Variants in ESRRG observed in about 807,000 individuals in gnomAD.
ESRRG encodes estrogen related receptor gamma, also known as estrogen-related receptor gamma.
A neutral mutation model predicts 44.0 loss-of-function variants in ESRRG; 13 were observed. The observed-to-expected ratio is 0.30, with a 90% CI of 0.19 to 0.47. The LOEUF is 0.47. Among genes scored for constraint, ESRRG ranks in the 20% least tolerant of loss-of-function variants. ESRRG has a pLI of 1.00. For synonymous variants in ESRRG, 215 were observed against 214.6 expected, an observed-to-expected ratio of 1.00 and a Z score of -0.02; for missense variants, 395 against 580.6, an observed-to-expected ratio of 0.68 and a Z score of 3.29.
intron 2 of ESRRG, among the ~76,000 whole-genome samples, chr1:216,881,108 T>C (rs1330945790): frequency 6.6e-6 from 1 of 152,346 alleles, no homozygotes; most frequent in East Asian, 1.9e-4. Context: ...ATTACATGCT[T>C]TTTATAATGA....
intron 3 of ESRRG, among the ~76,000 whole-genome samples, chr1:216,586,424 A>G (rs1314393093): frequency 6.6e-6 from 1 of 152,224 alleles, no homozygotes; most frequent in Non-Finnish European, 1.5e-5. Flanking sequence ...TTAAAAGCAA[A>G]GTTAAAAGTT....
intron 1 of ESRRG, among the ~76,000 whole-genome samples, chr1:216,992,626 T>C (rs2075875359): frequency 6.6e-6 from 1 of 152,226 alleles, no homozygotes; most frequent in South Asian, 2.1e-4. Flanking sequence ...TAAACATTAT[T>C]AGATATCTCC....
At chr1:216,566,679 T>C (rs1474294345) in intron 4 of ESRRG, among the ~76,000 whole-genome samples, 2 of 152,202 alleles carry the variant, frequency 1.3e-5, no homozygotes, top group East Asian at 3.9e-4. Flanking sequence ...TGCATATTAT[T>C]GTATTATCAG....
chr1:217,088,126 G>A (rs1274377091), intron 1 of ESRRG, among the ~76,000 whole-genome samples: 4 of 150,828 alleles, frequency 2.7e-5, no homozygotes, highest in Admixed American at 6.6e-5. Flanking sequence ...AGACATTTCC[G>A]ACTCTTTTTC....
chr1:216,576,181 C>G (rs1390280069), intron 3 of ESRRG, among the ~76,000 whole-genome samples: 1 of 152,010 alleles, frequency 6.6e-6, no homozygotes, highest in Non-Finnish European at 1.5e-5. Flanking sequence ...CACTAAACTC[C>G]CCCAGCCAAT....
Position 216,686,586 on chromosome 1 carries a change from A to G in ESRRG, c.57-9095T>C, listed in dbSNP as rs1575301136. ...TTCAAAAGTCCAAATGCAAACATGC[A>G]GAGAAAAATTTCTAAATATAAAATG... On this transcript the variant is annotated intron_variant, in intron 1 of 6. Coordinates refer to ENST00000408911, the MANE Select transcript of ESRRG (RefSeq NM_001438.4). Among the ~76,000 whole-genome samples the G allele has an allele frequency of 2.0e-5, 3 of 152,272 alleles. No homozygotes were observed. The East Asian group carries it at 5.8e-4, about 29-fold the overall frequency.
intron 3 of ESRRG, among the ~76,000 whole-genome samples, chr1:216,586,459 A>C (rs1463278683): frequency 6.6e-6 from 1 of 152,192 alleles, no homozygotes; most frequent in Non-Finnish European, 1.5e-5. Flanking sequence ...CATTAGAGGA[A>C]TGGGCTAATT....
chr1:216,515,929 G>A (rs1303980284), intron 6 of ESRRG, among the ~76,000 whole-genome samples: 1 of 151,744 alleles, frequency 6.6e-6, no homozygotes, highest in East Asian at 1.9e-4. Context: ...ATCTTACCTA[G>A]GTGCTTATAG....
chr1:216,876,870 C>A (rs2096363538), intron 2 of ESRRG, among the ~76,000 whole-genome samples: 2 of 152,024 alleles, frequency 1.3e-5, no homozygotes, highest in African/African-American at 4.8e-5. Flanking sequence ...TTAATAGAAT[C>A]TTCTTGAACA....
chr1:216,911,725 C>T (rs2060323133), intron 2 of ESRRG, among the ~76,000 whole-genome samples: 1 of 152,030 alleles, frequency 6.6e-6, no homozygotes. Context: ...GTACTTTCCT[C>T]TCAATTTTGC....
chr1:217,088,613 A>G (rs759514565), intron 1 of ESRRG, among the ~76,000 whole-genome samples: 1 of 151,796 alleles, frequency 6.6e-6, no homozygotes, highest in Non-Finnish European at 1.5e-5. Flanking sequence ...TAACCGAGAC[A>G]AGCACAATAA....
intron 6 of ESRRG, among the ~76,000 whole-genome samples, chr1:216,513,864 T>A (rs901663043): frequency 1.3e-5 from 2 of 152,184 alleles, no homozygotes; most frequent in East Asian, 3.8e-4. Context: ...AATGTTGATA[T>A]CAATTTGGGT....
At chr1:216,611,758 T>TAAAA (rs576949958) in intron 3 of ESRRG, among the ~76,000 whole-genome samples, 3 of 144,430 alleles carry the variant, frequency 2.1e-5, no homozygotes, top group African/African-American at 7.6e-5. Context: ...TAGAGGTATG[T>TAAAA]AAAAAAAAAA....
chr1:217,106,048 C>A (rs537586282), intron 1 of ESRRG, among the ~76,000 whole-genome samples: 22 of 152,148 alleles, frequency 1.4e-4, no homozygotes, highest in African/African-American at 5.3e-4. Context: ...TGCAACATCC[C>A]AAAATTGGCA....
intron 5 of ESRRG, among the ~76,000 whole-genome samples, chr1:216,543,300 T>C (rs1175252263): frequency 6.6e-6 from 1 of 152,034 alleles, no homozygotes; most frequent in Non-Finnish European, 1.5e-5. Context: ...TCATCAGGTA[T>C]TTTTTGAAGT....
rs555621478 is a variant in ESRRG at position 216,910,755 on chromosome 1, T to A, written c.-14+28827A>T. 5.9e-5 allele frequency among the ~76,000 whole-genome samples: 9 copies of A among 152,320 alleles called. No homozygotes were observed. In the South Asian group the frequency reaches 1.9e-3, roughly 32 times the overall value. On this transcript the variant is annotated intron_variant, in intron 2 of 7. Transcript: ENST00000359162. ...GACTCTATTGGTGGGGCCAACCAAATGTGTGAAGTGAAGCACTCCTTAATA... is the reference window on the plus strand; with the variant it reads ...GACTCTATTGGTGGGGCCAACCAAAAGTGTGAAGTGAAGCACTCCTTAATA...
At chr1:216,595,573 G>T (rs983793613) in intron 3 of ESRRG, among the ~76,000 whole-genome samples, 5 of 152,162 alleles carry the variant, frequency 3.3e-5, no homozygotes, top group Admixed American at 3.3e-4. Flanking sequence ...CTCGGAAAGG[G>T]TGCAGCACAT....
intron 2 of ESRRG, among the ~76,000 whole-genome samples, chr1:216,833,474 G>T (rs1410143929): frequency 6.6e-6 from 1 of 152,098 alleles, no homozygotes; most frequent in Non-Finnish European, 1.5e-5. Context: ...TAGGCTTTAT[G>T]GTATGTTGAT....
intron 3 of ESRRG, among the ~76,000 whole-genome samples, chr1:216,578,464 T>C (rs1310012319): frequency 6.6e-6 from 1 of 152,080 alleles, no homozygotes; most frequent in Non-Finnish European, 1.5e-5. Flanking sequence ...AGTCTCTCTG[T>C]TTATCCAATA....
Sources: gnomAD v4.1 joint callset for allele counts (sites outside exome capture counted in the v4.1 genomes callset) on GRCh38, gnomAD v4.1.1 for gene constraint, MANE v1.5 for transcripts, NCBI Gene and HGNC (gene_info 2026-07-23, HGNC 2026-07-21) for gene names.